The following SLC12A2 variants were observed in gnomAD, a reference collection of about 807,000 sequenced individuals.
The protein encoded by SLC12A2 is Na-K-2Cl cotransporter 1.
In SLC12A2, 67 loss-of-function variants were observed where a neutral mutation model predicts 136.3. The ratio of observed to expected loss-of-function variants is 0.49; its 90% CI spans 0.40 to 0.60. The LOEUF (loss-of-function observed/expected upper bound fraction) is 0.60. Among genes scored for constraint, SLC12A2 ranks in the 20% least tolerant of loss-of-function variants. The pLI is 0.00. For synonymous variants in SLC12A2, 619 were observed against 562.9 expected (o/e 1.10, Z -1.41); for missense variants, 1,322 against 1,534.7 (o/e 0.86, Z 2.32).
intron 15 of SLC12A2, among the ~76,000 whole-genome samples, chr5:128,157,597 G>T (rs1419043354): frequency 1.3e-5 from 2 of 152,082 alleles, no homozygotes; most frequent in African/African-American, 4.8e-5. Context: ...AGGAAGTTTT[G>T]CAAACTCTAT....
At chr5:128,152,847 C>A in intron 15 of SLC12A2, 42 bp downstream of exon 15, 1 of 1,158,608 alleles carries the variant, frequency 8.6e-7, no homozygotes, top group Non-Finnish European at 1.3e-6. Context: ...TTTCTCTTTG[C>A]TGGCCAGTCA....
chr5:128,161,537 A>G, intron 16 of SLC12A2, 123 bp from the exon 17 acceptor site: 1 of 482,398 alleles, frequency 2.1e-6, no homozygotes, highest in Non-Finnish European at 3.4e-6. Flanking sequence ...AAATGCTATT[A>G]TTATACTTCT....
intron 1 of SLC12A2, among the ~76,000 whole-genome samples, chr5:128,098,516 G>C (rs969938930): frequency 1.3e-5 from 2 of 149,950 alleles, no homozygotes; most frequent in African/African-American, 4.9e-5. Flanking sequence ...TTGAGTGTGT[G>C]TTACATTTTC....
chr5:128,101,120 C>T (rs1170712641), intron 1 of SLC12A2, among the ~76,000 whole-genome samples: 1 of 152,026 alleles, frequency 6.6e-6, no homozygotes, highest in Admixed American at 6.6e-5. Flanking sequence ...TCCTGTAAAA[C>T]AATACTTTGT....
At chr5:128,164,355 T>C (rs1187058541) in intron 17 of SLC12A2, among the ~76,000 whole-genome samples, 1 of 152,206 alleles carries the variant, frequency 6.6e-6, no homozygotes, top group African/African-American at 2.4e-5. Context: ...CCACCTAATA[T>C]ATTCACTGCA....
In SLC12A2 at chr5:128,150,534, A is replaced by T. The variant is rs186398329; in HGVS notation, c.2107+436A>T. Among the ~76,000 whole-genome samples, 26 of 151,978 alleles carry T rather than the reference A, an allele frequency of 1.7e-4. No homozygotes were observed. The East Asian group carries it at 4.8e-3, about 28-fold the overall frequency. ...AGCATTGTTCCTTTTAAAGATTTGA[A>T]AGTCTGAGAACAGGGAACATATAAA... On this transcript the variant is annotated intron_variant, in intron 13 of 26. Transcript: ENST00000262461.
chr5:128,092,144 A>G (rs780180405), intron 1 of SLC12A2, among the ~76,000 whole-genome samples: 3 of 152,152 alleles, frequency 2.0e-5, no homozygotes, highest in African/African-American at 7.2e-5. Flanking sequence ...ACTCCATTCT[A>G]AATAGGTATT....
At chr5:128,096,237 A>G (rs1351545287) in intron 1 of SLC12A2, among the ~76,000 whole-genome samples, 1 of 152,052 alleles carries the variant, frequency 6.6e-6, no homozygotes, top group Non-Finnish European at 1.5e-5. Flanking sequence ...ATTAGGAAAA[A>G]CATCTATGTT....
At chr5:128,160,458 A>G (rs546185464) in intron 16 of SLC12A2, among the ~76,000 whole-genome samples, 2 of 152,278 alleles carry the variant, frequency 1.3e-5, no homozygotes, top group East Asian at 3.9e-4. Context: ...TGGGGGTTGG[A>G]AGAAATAGGC....
chr5:128,094,261 G>A (rs1179111227), intron 1 of SLC12A2, among the ~76,000 whole-genome samples: 1 of 150,414 alleles, frequency 6.6e-6, no homozygotes, highest in Non-Finnish European at 1.5e-5. Context: ...ACCCTCAATC[G>A]ATACATATTG....
chr5:128,139,186 C>G (rs954319318), intron 9 of SLC12A2, among the ~76,000 whole-genome samples: 30 of 151,668 alleles, frequency 2.0e-4, no homozygotes, highest in African/African-American at 7.0e-4. Flanking sequence ...TAAACTCATT[C>G]CACTGAGATA....
At chr5:128,168,087 TACAC>T (rs72198423) in intron 18 of SLC12A2, 7 of 300,442 alleles carry the variant, frequency 2.3e-5, no homozygotes, top group Non-Finnish European at 3.0e-5. Context: ...TATATATATA[TACAC>T]ACACACACAC....
In SLC12A2 at chr5:128,107,114, G is replaced by A. The variant is rs182209624; in HGVS notation, c.757-5700G>A. Among the ~76,000 whole-genome samples, 45 of 152,044 alleles carry A rather than the reference G, an allele frequency of 3.0e-4. 1 individual carries two copies. The East Asian group carries it at 7.5e-3, about 25-fold the overall frequency. On this transcript the variant is annotated intron_variant, in intron 1 of 26. Transcript: ENST00000262461. The stretch of plus-strand genomic sequence containing the variant: ...TTGTTCTGGCTTTATTTGAATAATT[G>A]AACAGTTGAATCATCAATCCCTATT...
intron 1 of SLC12A2, among the ~76,000 whole-genome samples, chr5:128,093,534 C>T (rs1201305057): frequency 6.6e-6 from 1 of 152,124 alleles, no homozygotes; most frequent in Admixed American, 6.5e-5. Flanking sequence ...AGGCCCTCTG[C>T]CAGTGTGTGC....
intron 5 of SLC12A2, 93 bp from the exon 6 acceptor site, chr5:128,134,072 G>A (rs1762109155): frequency 4.6e-6 from 3 of 647,264 alleles, no homozygotes; most frequent in Admixed American, 4.8e-5. Context: ...TTCATGTAAG[G>A]CACCGTAATA....
chr5:128,173,638 C>T (rs145234803), intron 19 of SLC12A2, among the ~76,000 whole-genome samples: 1 of 152,128 alleles, frequency 6.6e-6, no homozygotes, highest in Non-Finnish European at 1.5e-5. Flanking sequence ...GACTTCCAAG[C>T]CTCAGTTTCC....
chr5:128,174,693 TATTAATAGTAATGTTTTA>T, intron 20 of SLC12A2, 27 bp downstream of exon 20: 2 of 1,489,498 alleles, frequency 1.3e-6, no homozygotes, highest in Non-Finnish European at 1.8e-6. Context: ...CAATAAGTCT[TATTAATAGTAATGTTTTA>T]ATTTGGGAGA....
Position 128,165,923 on chromosome 5 carries a change from C to G in SLC12A2, c.2617-1838C>G, listed in dbSNP as rs199596959. ...ATTCTTGGTTTTCTTTTACCTCCCC[C>G]CCCCCCCCCCAGTTAAAAATATGCT... On this transcript the variant is annotated intron_variant, in intron 17 of 26. Transcript: ENST00000262461. Among the ~76,000 whole-genome samples, 3 of 139,436 alleles carry G rather than the reference C, an allele frequency of 2.2e-5. No homozygotes were observed. In the East Asian group the frequency reaches 6.8e-4, roughly 32 times the overall value. 91.5% of individuals were successfully genotyped at this position (139,436 alleles called of 152,430 possible). A position where few individuals can be genotyped will look rare whatever the true frequency, so the allele number is the denominator to read the frequency against.
At chr5:128,093,810 T>C (rs529894444) in intron 1 of SLC12A2, among the ~76,000 whole-genome samples, 7 of 152,302 alleles carry the variant, frequency 4.6e-5, no homozygotes, top group Non-Finnish European at 5.9e-5. Flanking sequence ...ACTGGGCTTC[T>C]CATATTCACT....
Sources: gnomAD v4.1 joint callset for allele counts (sites outside exome capture counted in the v4.1 genomes callset) on GRCh38, gnomAD v4.1.1 for gene constraint, MANE v1.5 for transcripts, NCBI Gene and HGNC (gene_info 2026-07-23, HGNC 2026-07-21) for gene names.